CYYR1: variants seen among roughly 807,000 people sequenced by gnomAD.
The protein encoded by CYYR1 is cysteine and tyrosine-rich protein 1.
Under a neutral mutation model 15.2 loss-of-function variants are expected in CYYR1, and 14 were observed. That is an observed-to-expected ratio of 0.92 (90% CI 0.61 to 1.44). CYYR1 has a LOEUF of 1.44. Ranked by LOEUF, CYYR1 falls within the 40% of genes most tolerant of loss-of-function variation. The pLI, the probability that CYYR1 is intolerant of heterozygous loss-of-function variation, is 0.00. For missense variants in CYYR1, 228 were observed against 209.5 expected (o/e 1.09, Z -0.54); for synonymous variants, 80 against 77.4 (o/e 1.03, Z -0.18).
intron 2 of CYYR1, among the ~76,000 whole-genome samples, chr21:26,537,796 G>A (rs140180403): frequency 5.9e-5 from 9 of 152,192 alleles, no homozygotes; most frequent in African/African-American, 2.2e-4. Context: ...GATGGTATCA[G>A]GAGGTGGGGT....
rs557062809 is a variant in CYYR1, at chr21:26,476,576, CCTATCTATCATCTAT to C, written c.334+3681_334+3695del. Among the ~76,000 whole-genome samples, 298 of 132,518 alleles carry C rather than the reference CCTATCTATCATCTAT, an allele frequency of 2.2e-3. 1 individual carries two copies. The highest frequency in any genetic ancestry group is 8.8e-3 in the African/African-American group (285 of 32,566). The allele number at this position is 132,518 out of a possible 152,430, so 86.9% of individuals were successfully genotyped here. A position where few individuals can be genotyped will look rare whatever the true frequency, so the allele number is the denominator to read the frequency against. On this transcript the variant is annotated intron_variant, in intron 3 of 3. Coordinates refer to ENST00000652641, the MANE Select transcript of CYYR1 (RefSeq NM_001320768.2). Reference sequence around the variant, plus strand: ...TTCCCCTCTCCAATTGTTTGTCTACCCTATCTATCATCTATCTATCTATCTATCTATCTATCTATC... The same window carrying C: ...TTCCCCTCTCCAATTGTTTGTCTACCCTATCTATCTATCTATCTATCTATC...
Position 26,572,795 on chromosome 21 carries a change from C to A in CYYR1, c.73+73G>T. The A allele has an allele frequency of 1.9e-6, 3 of 1,569,618 alleles. No individual in the cohort carries two copies. In the South Asian group the frequency reaches 3.5e-5, roughly 18 times the overall value. On this transcript the variant is annotated intron_variant, in intron 1 of 3. Transcript: ENST00000652641. ...AAGGTCCCGGTCCGTCCAGCTCAAC[C>A]CACGTTAGCCCGGACCGTGACCCAA...
At chr21:26,527,614 G>A (rs1325354617) in intron 2 of CYYR1, among the ~76,000 whole-genome samples, 2 of 152,052 alleles carry the variant, frequency 1.3e-5, no homozygotes, top group Non-Finnish European at 2.9e-5. Context: ...CCATTTCATT[G>A]CTACTTTTGT....
chr21:26,480,314 T>G lies in CYYR1; in HGVS notation c.292A>C (p.Ile98Leu). 1 of 1,613,452 alleles carries G rather than the reference T, an allele frequency of 6.2e-7. No homozygotes were observed. The highest frequency in any genetic ancestry group is 1.1e-5 in the South Asian group (1 of 91,026). Residue 98 changes from isoleucine to leucine, a missense_variant, in exon 3 of 4, where the codon ATC (isoleucine) becomes CTC (leucine). Physicochemically the swap from Ile to Leu is conservative, Grantham distance 5. Coordinates refer to ENST00000652641, the MANE Select transcript of CYYR1 (RefSeq NM_001320768.2). ...GTGTTGATGTGAGTCGTCCTGAGGA[T>G]GCCCACGCGGGTCGCCCTGTGGTTC... ...MKNHRATRVG[I>L]LRTTHINTVS...
intron 2 of CYYR1, 97 bp from the exon 3 acceptor site, chr21:26,480,526 C>A: frequency 2.4e-6 from 3 of 1,264,660 alleles, no homozygotes; most frequent in Non-Finnish European, 3.2e-6. Context: ...TGTTTTCTTA[C>A]AAATGTTCTT....
chr21:26,480,935 ACCAAAC>A (rs1015483805), intron 2 of CYYR1, among the ~76,000 whole-genome samples: 2 of 152,154 alleles, frequency 1.3e-5, no homozygotes, highest in Non-Finnish European at 2.9e-5. Flanking sequence ...AGAAAACCAA[ACCAAAC>A]TTCATATTTT....
At chr21:26,490,290 A>C (rs752817088) in intron 2 of CYYR1, among the ~76,000 whole-genome samples, 3 of 151,892 alleles carry the variant, frequency 2.0e-5, no homozygotes, top group Non-Finnish European at 4.4e-5. Flanking sequence ...ACAGAGTGAG[A>C]CCCTGTCTCA....
chr21:26,556,052 T>C (rs1979754120), intron 2 of CYYR1, among the ~76,000 whole-genome samples: 1 of 152,194 alleles, frequency 6.6e-6, no homozygotes, highest in South Asian at 2.1e-4. Context: ...TTTTCAATTC[T>C]AGTCTCTATC....
chr21:26,539,637 A>C (rs1978406501), intron 2 of CYYR1, among the ~76,000 whole-genome samples: 1 of 152,198 alleles, frequency 6.6e-6, no homozygotes, highest in Non-Finnish European at 1.5e-5. Flanking sequence ...TGAAAGGATT[A>C]GCTTTTTGAT....
At chr21:26,481,789 T>G (rs2065184856) in intron 2 of CYYR1, among the ~76,000 whole-genome samples, 1 of 152,022 alleles carries the variant, frequency 6.6e-6, no homozygotes, top group Non-Finnish European at 1.5e-5. Context: ...TTTCAATACT[T>G]ACTAGTATTG....
In CYYR1 at chr21:26,474,049, T is replaced by C. The variant is rs1489974019; in HGVS notation, c.335-5415A>G. ...TGTTGTTGTGTGTTTTTTGTTTTCG[T>C]TTTTTTTTTTTTTTTGAGATGGAGT... On this transcript the variant is annotated intron_variant, in intron 3 of 3. Transcript: ENST00000652641. Among the ~76,000 whole-genome samples, 15 of 3,080 alleles carry C rather than the reference T, an allele frequency of 4.9e-3. No homozygotes were observed. In the Non-Finnish European group the frequency reaches 0.063, roughly 13 times the overall value. 2.0% of individuals were successfully genotyped at this position (3,080 alleles called of 152,430 possible).
intron 2 of CYYR1, among the ~76,000 whole-genome samples, chr21:26,522,518 T>G (rs1209512048): frequency 5.3e-5 from 8 of 152,240 alleles, no homozygotes. Context: ...CTGTTTTGAT[T>G]AAAATGGACT....
intron 2 of CYYR1, among the ~76,000 whole-genome samples, chr21:26,512,776 C>T (rs1171070441): frequency 6.6e-6 from 1 of 152,090 alleles, no homozygotes; most frequent in East Asian, 1.9e-4. Context: ...GACCACGTGG[C>T]CTGCAAAGCC....
At chr21:26,471,747 G>A (rs1413073612) in intron 3 of CYYR1, 2 of 152,108 alleles carry the variant, frequency 1.3e-5, no homozygotes, top group Non-Finnish European at 2.9e-5. Context: ...AAGCGGTTTT[G>A]TTCTTTTTTT....
chr21:26,538,090 A>T (rs1171654453), intron 2 of CYYR1, among the ~76,000 whole-genome samples: 1 of 152,170 alleles, frequency 6.6e-6, no homozygotes, highest in Non-Finnish European at 1.5e-5. Context: ...TTCATCAGGT[A>T]TTGCAGTCTA....
At chr21:26,553,881 T>C (rs1979577240) in intron 2 of CYYR1, among the ~76,000 whole-genome samples, 1 of 152,208 alleles carries the variant, frequency 6.6e-6, no homozygotes, top group Non-Finnish European at 1.5e-5. Flanking sequence ...ACAGGCTGAA[T>C]AAAAAGAAAC....
chr21:26,564,884 G>T, intron 2 of CYYR1: 1 of 1,061,078 alleles, frequency 9.4e-7, no homozygotes. Flanking sequence ...AATATATTTT[G>T]TTACTTTAAA....
chr21:26,539,926 T>C (rs1416994450), intron 2 of CYYR1, among the ~76,000 whole-genome samples: 1 of 152,188 alleles, frequency 6.6e-6, no homozygotes, highest in Non-Finnish European at 1.5e-5. Context: ...TCTTTTTCCC[T>C]CTCATAATAG....
chr21:26,516,700 T>C (rs1028847014), intron 2 of CYYR1, among the ~76,000 whole-genome samples: 23 of 152,250 alleles, frequency 1.5e-4, no homozygotes, highest in African/African-American at 5.3e-4. Context: ...TTTTAAGGAA[T>C]GTGTGATAAT....
Sources: allele counts gnomAD v4.1 joint callset (sites outside exome capture counted in the v4.1 genomes callset), GRCh38; gene constraint gnomAD v4.1.1; transcripts MANE v1.5; gene names NCBI Gene and HGNC (gene_info 2026-07-23, HGNC 2026-07-21).